The following MARVELD2 variants were observed in gnomAD, a reference collection of about 807,000 sequenced individuals.
MARVELD2 encodes the protein MARVEL domain-containing protein 2.
A neutral mutation model predicts 57.6 loss-of-function variants in MARVELD2; 49 were observed. The ratio of observed to expected loss-of-function variants is 0.85; its 90% CI spans 0.68 to 1.08. MARVELD2 has a LOEUF of 1.08. Among genes scored for constraint, MARVELD2 ranks in the 50% least tolerant of loss-of-function variants. The probability of loss-of-function intolerance (pLI) is 0.00; values close to 1 mark genes in which losing one functional copy is unlikely to be tolerated. For synonymous variants in MARVELD2, 238 were observed against 258.8 expected (o/e 0.92, Z 0.77); for missense variants, 606 against 701.1 (o/e 0.86, Z 1.53).
At chr5:69,433,366 T>C (rs902831265) in intron 5 of MARVELD2, among the ~76,000 whole-genome samples, 7 of 151,650 alleles carry the variant, frequency 4.6e-5, no homozygotes, top group Non-Finnish European at 7.4e-5. Flanking sequence ...GGTTTTGCCA[T>C]GTTGGCCAAG....
chr5:69,423,024 A>G (rs1331599984), intron 2 of MARVELD2, among the ~76,000 whole-genome samples: 2 of 152,128 alleles, frequency 1.3e-5, no homozygotes, highest in African/African-American at 4.8e-5. Flanking sequence ...CAGCCCCCCT[A>G]GTAGCTGGGA....
intron 2 of MARVELD2, among the ~76,000 whole-genome samples, chr5:69,421,480 T>C (rs1240129208): frequency 6.6e-6 from 1 of 152,196 alleles, no homozygotes; most frequent in Non-Finnish European, 1.5e-5. Context: ...TACTATACAA[T>C]TGCACATGGT....
chr5:69,430,959 G>C (rs1282322203), intron 3 of MARVELD2, among the ~76,000 whole-genome samples: 2 of 150,896 alleles, frequency 1.3e-5, no homozygotes, highest in African/African-American at 4.9e-5. Context: ...GTCTTGCTCT[G>C]ATGCCCAGGC....
At chr5:69,432,893 T>C (rs1160070531) in intron 4 of MARVELD2, 29 bp from the exon 5 acceptor site, 1 of 1,613,850 alleles carries the variant, frequency 6.2e-7, no homozygotes, top group South Asian at 1.1e-5. Flanking sequence ...GTGAAACAAT[T>C]ATATCTTTGG....
intron 5 of MARVELD2, among the ~76,000 whole-genome samples, chr5:69,435,752 CAAAA>C (rs35281029): frequency 1.5e-5 from 1 of 64,786 alleles, no homozygotes; most frequent in African/African-American, 6.2e-5. Context: ...GACCCTGTCT[CAAAA>C]AAAAAAAAAA....
chr5:69,431,506 G>A (rs7729938), intron 3 of MARVELD2, among the ~76,000 whole-genome samples: 2 of 152,102 alleles, frequency 1.3e-5, no homozygotes, highest in Non-Finnish European at 2.9e-5. Context: ...ATTTAAGTAG[G>A]CTTGTTCCAT....
At chr5:69,428,068 G>A (rs1334298010) in intron 3 of MARVELD2, among the ~76,000 whole-genome samples, 1 of 151,694 alleles carries the variant, frequency 6.6e-6, no homozygotes, top group African/African-American at 2.4e-5. Flanking sequence ...CAAAGATCGT[G>A]CCACTGCACT....
Position 69,419,849 on chromosome 5 carries a change from C to T in MARVELD2, c.464C>T (p.Pro155Leu), listed in dbSNP as rs751452966. 1 of 1,614,030 alleles carries T rather than the reference C, an allele frequency of 6.2e-7. No individual in the cohort carries two copies. Among genetic ancestry groups the T allele is most frequent in the South Asian group, 1.1e-5 (1 of 91,084 alleles). Reference sequence around the variant, plus strand: ...CGGAAAGAGGCTGACGCAGTGTTTCCCCGGGATCCCTATGGATCTCTAGAC... The same window carrying T: ...CGGAAAGAGGCTGACGCAGTGTTTCTCCGGGATCCCTATGGATCTCTAGAC... ...SSRKEADAVF[P>L]RDPYGSLDRH... The change falls in exon 2 of 7, where the codon CCC becomes CTC. Residue 155 changes from proline (P) to leucine (L), a missense_variant. Pro to Leu is a moderately conservative substitution (Grantham distance 98). Coordinates refer to ENST00000325631, the MANE Select transcript of MARVELD2 (RefSeq NM_001038603.3).
chr5:69,433,175 T>C (rs1409739074), intron 5 of MARVELD2, 82 bp downstream of exon 5: 1 of 1,379,578 alleles, frequency 7.2e-7, no homozygotes, highest in Non-Finnish European at 1.0e-6. Context: ...TTTTTTTTTT[T>C]TTCTGTGAGA....
rs74376904 is a variant in MARVELD2, at chr5:69,424,694, G to A, written c.1182+58G>A. 8.4e-4 allele frequency: 1,144 copies of A among 1,356,350 alleles called. 13 individuals carry two copies. In the African/African-American group the frequency reaches 0.015, roughly 18 times the overall value. The allele number at this position is 1,356,350 out of a possible 1,614,324, so 84.0% of individuals were successfully genotyped here. ...AGATTTGTTAATACTTTTCTCTTAG[G>A]TCTGTTTATCTACATAGTAGTATCG... On this transcript the variant is annotated intron_variant, in intron 3 of 6. Transcript: ENST00000325631.
intron 3 of MARVELD2, among the ~76,000 whole-genome samples, chr5:69,431,210 G>T (rs1361547512): frequency 6.6e-6 from 1 of 151,546 alleles, no homozygotes; most frequent in Non-Finnish European, 1.5e-5. Context: ...CGCCTCCTGG[G>T]TTCACACCAT....
At chr5:69,435,752 C>CAAA (rs35281029) in intron 5 of MARVELD2, among the ~76,000 whole-genome samples, 9 of 64,752 alleles carry the variant, frequency 1.4e-4, no homozygotes, top group African/African-American at 2.5e-4. Flanking sequence ...GACCCTGTCT[C>CAAA]AAAAAAAAAA....
intron 1 of MARVELD2, among the ~76,000 whole-genome samples, chr5:69,417,808 G>A (rs1370620337): frequency 6.6e-6 from 1 of 151,828 alleles, no homozygotes; most frequent in African/African-American, 2.4e-5. Context: ...GCGTGGTGGC[G>A]AGCACCTGTA....
chr5:69,425,136 TC>T (rs1766745945), intron 3 of MARVELD2, among the ~76,000 whole-genome samples: 1 of 150,228 alleles, frequency 6.7e-6, no homozygotes, highest in Non-Finnish European at 1.5e-5. Flanking sequence ...CAGTAAACTA[TC>T]GCAAGAACAA....
Position 69,443,936 on chromosome 5 carries a change from G to A in MARVELD2, c.*2282G>A, listed in dbSNP as rs1767395534. On this transcript the variant is annotated 3_prime_UTR_variant, in exon 7 of 7. Coordinates refer to ENST00000325631, the MANE Select transcript of MARVELD2 (RefSeq NM_001038603.3). ...AGGCCCCTTATGGGACCCCCCAAATGGAACAACTTCACTTTCTCTTTTATG... is the reference window on the plus strand; with the variant it reads ...AGGCCCCTTATGGGACCCCCCAAATAGAACAACTTCACTTTCTCTTTTATG... The A allele has an allele frequency of 1.5e-5, 2 of 133,106 alleles. No individual in the cohort carries two copies. Among genetic ancestry groups the A allele is most frequent in the South Asian group, 5.0e-4 (2 of 4,016 alleles). 8.2% of individuals were successfully genotyped at this position (133,106 alleles called of 1,614,324 possible).
At chr5:69,440,305 C>T in intron 5 of MARVELD2, 145 bp from the exon 6 acceptor site, 1 of 557,118 alleles carries the variant, frequency 1.8e-6, no homozygotes, top group Non-Finnish European at 3.3e-6. Context: ...CAAATATTTG[C>T]CTGTGAATTG....
At chr5:69,427,838 G>T (rs994223177) in intron 3 of MARVELD2, among the ~76,000 whole-genome samples, 10 of 152,188 alleles carry the variant, frequency 6.6e-5, no homozygotes, top group Non-Finnish European at 1.5e-4. Context: ...GAGAACAGGT[G>T]CAGTGGCTCA....
In MARVELD2 at chr5:69,433,043, G is replaced by A. The variant is rs200109050; in HGVS notation, c.1453G>A (p.Glu485Lys). ...EVQAVLRKFD[E>K]LDAVMSRLPH... ...TCAGGCTGTCCTGAGGAAGTTTGAT[G>A]AGCTGGATGCAGTGATGAGCAGATT... Residue 485 changes from glutamate to lysine, a missense_variant, in exon 5 of 7, where the codon GAG becomes AAG. By Grantham distance (56) the Glu-to-Lys change is moderately conservative. Coordinates refer to ENST00000325631, the MANE Select transcript of MARVELD2 (RefSeq NM_001038603.3). 2.5e-6 allele frequency: 4 copies of A among 1,614,082 alleles called. No individual in the cohort carries two copies. The East Asian group carries it at 6.7e-5, about 27-fold the overall frequency.
chr5:69,420,943 T>C (rs975658594), intron 2 of MARVELD2, among the ~76,000 whole-genome samples: 1 of 152,230 alleles, frequency 6.6e-6, no homozygotes, highest in Non-Finnish European at 1.5e-5. Flanking sequence ...TAATTTTTCA[T>C]TTAAATGTTA....
Sources: allele counts gnomAD v4.1 joint callset (sites outside exome capture counted in the v4.1 genomes callset), GRCh38; gene constraint gnomAD v4.1.1; transcripts MANE v1.5; gene names NCBI Gene and HGNC (gene_info 2026-07-23, HGNC 2026-07-21).